The following KCNJ6 variants were observed in gnomAD, a reference collection of about 807,000 sequenced individuals.
The protein encoded by KCNJ6 is potassium inwardly rectifying channel subfamily J member 6.
A neutral mutation model predicts 34.2 loss-of-function variants in KCNJ6; 9 were observed. The ratio of observed to expected loss-of-function variants is 0.26; its 90% CI spans 0.16 to 0.46. The LOEUF (loss-of-function observed/expected upper bound fraction) is 0.46. KCNJ6 is among the 20% of genes least tolerant of loss of function. KCNJ6 has a pLI of 1.00. For missense variants in KCNJ6, 236 were observed against 531.3 expected, an observed-to-expected ratio of 0.44 and a Z score of 5.46; for synonymous variants, 196 against 207.1, an observed-to-expected ratio of 0.95 and a Z score of 0.46.
chr21:37,718,265 G>GCTAT (rs752751625), intron 2 of KCNJ6, among the ~76,000 whole-genome samples: 4 of 152,298 alleles, frequency 2.6e-5, no homozygotes, highest in Admixed American at 6.5e-5. Flanking sequence ...GTGGAGAGCT[G>GCTAT]CTATCTATCT....
intron 3 of KCNJ6, among the ~76,000 whole-genome samples, chr21:37,709,538 G>GAAAAGA (rs2054740113): frequency 6.6e-6 from 1 of 151,376 alleles, no homozygotes; most frequent in Non-Finnish European, 1.5e-5. Context: ...GAAAAGAAAA[G>GAAAAGA]AAATATCAGG....
At chr21:37,627,501 A>T (rs1384427799) in intron 3 of KCNJ6, among the ~76,000 whole-genome samples, 2 of 152,210 alleles carry the variant, frequency 1.3e-5, no homozygotes, top group East Asian at 1.9e-4. Flanking sequence ...AACAAACAGG[A>T]AGTCAAGAGG....
intron 2 of KCNJ6, among the ~76,000 whole-genome samples, chr21:37,814,139 A>T (rs1461172678): frequency 6.6e-6 from 1 of 152,258 alleles, no homozygotes; most frequent in Non-Finnish European, 1.5e-5. Flanking sequence ...CAAATGTCCA[A>T]CAGGCATATG....
At chr21:37,788,967 TAG>T (rs987305842) in intron 2 of KCNJ6, among the ~76,000 whole-genome samples, 26 of 152,346 alleles carry the variant, frequency 1.7e-4, no homozygotes, top group African/African-American at 5.1e-4. Flanking sequence ...ACCGGTATTG[TAG>T]AGTCATCATC....
At chr21:37,867,349 G>T (rs530087667) in intron 1 of KCNJ6, among the ~76,000 whole-genome samples, 13 of 152,278 alleles carry the variant, frequency 8.5e-5, no homozygotes, top group African/African-American at 3.1e-4. Flanking sequence ...GGAGAGCTGA[G>T]GGGTCACTGG....
chr21:37,763,100 T>C (rs1012832596), intron 2 of KCNJ6, among the ~76,000 whole-genome samples: 2 of 152,082 alleles, frequency 1.3e-5, no homozygotes, highest in Non-Finnish European at 2.9e-5. Context: ...GGGCATCTGA[T>C]GATGGCATGT....
At chr21:37,874,976 G>T (rs1456660644) in intron 1 of KCNJ6, among the ~76,000 whole-genome samples, 1 of 152,172 alleles carries the variant, frequency 6.6e-6, no homozygotes, top group Non-Finnish European at 1.5e-5. Flanking sequence ...CAAAACATAA[G>T]TCAGATTCTG....
At chr21:37,753,479 A>G (rs889551907) in intron 2 of KCNJ6, among the ~76,000 whole-genome samples, 1 of 152,206 alleles carries the variant, frequency 6.6e-6, no homozygotes, top group Non-Finnish European at 1.5e-5. Context: ...AACGTATCCC[A>G]GCCTTAGAAA....
At chr21:37,632,898 T>A (rs2054340199) in intron 3 of KCNJ6, among the ~76,000 whole-genome samples, 1 of 151,978 alleles carries the variant, frequency 6.6e-6, no homozygotes, top group South Asian at 2.1e-4. Context: ...TAAAGATGAG[T>A]TCAATGAAAT....
At chr21:37,841,315 T>TA (rs1460514021) in intron 1 of KCNJ6, among the ~76,000 whole-genome samples, 1 of 152,188 alleles carries the variant, frequency 6.6e-6, no homozygotes, top group Non-Finnish European at 1.5e-5. Context: ...GAATCTGTCC[T>TA]AATTAAAAAA....
chr21:37,900,499 A>C lies in KCNJ6; in HGVS notation c.-28+15385T>G, dbSNP rs113124902. On this transcript the variant is annotated intron_variant, in intron 1 of 3. Transcript: ENST00000609713. ...CTTCTATTGCAGGAGACAGAAAATA[A>C]ACAAAGCCACATGCAATTTGCGTGG... Among the ~76,000 whole-genome samples, 443 of 152,360 alleles carry C rather than the reference A, an allele frequency of 2.9e-3. 1 individual carries two copies. Among genetic ancestry groups the C allele is most frequent in the African/African-American group, 0.01 (426 of 41,586 alleles).
intron 3 of KCNJ6, among the ~76,000 whole-genome samples, chr21:37,636,447 C>T (rs191645702): frequency 1.4e-4 from 22 of 152,266 alleles, no homozygotes; most frequent in Admixed American, 3.9e-4. Flanking sequence ...TATTTCATTC[C>T]GCAGTTTCTC....
chr21:37,777,919 C>T (rs899667354), intron 2 of KCNJ6, among the ~76,000 whole-genome samples: 1 of 152,164 alleles, frequency 6.6e-6, no homozygotes, highest in Non-Finnish European at 1.5e-5. Context: ...GTTCAGCACA[C>T]CTGGAGCCCA....
At chr21:37,789,350 C>A (rs981899075) in intron 2 of KCNJ6, among the ~76,000 whole-genome samples, 1 of 152,068 alleles carries the variant, frequency 6.6e-6, no homozygotes, top group Non-Finnish European at 1.5e-5. Flanking sequence ...CTTAATCCAA[C>A]GAAATTGGTG....
At chr21:37,850,719 T>C (rs993986574) in intron 1 of KCNJ6, among the ~76,000 whole-genome samples, 2 of 152,140 alleles carry the variant, frequency 1.3e-5, no homozygotes, top group Admixed American at 6.5e-5. Flanking sequence ...GAGTTTGGTA[T>C]GGTCACTAGA....
At chr21:37,915,725 G>C (rs1325320982) in intron 1 of KCNJ6, among the ~76,000 whole-genome samples, 159 bp downstream of exon 1, 2 of 152,186 alleles carry the variant, frequency 1.3e-5, no homozygotes, top group Admixed American at 6.5e-5. Flanking sequence ...CTTCTCCCTC[G>C]CCTTTCGGCT....
chr21:37,680,562 G>T (rs1046783346), intron 3 of KCNJ6, among the ~76,000 whole-genome samples: 3 of 152,194 alleles, frequency 2.0e-5, no homozygotes, highest in African/African-American at 7.2e-5. Context: ...TCAATAGACT[G>T]AATAAAACTG....
At chr21:37,708,821 A>G (rs1470560253) in intron 3 of KCNJ6, among the ~76,000 whole-genome samples, 1 of 152,232 alleles carries the variant, frequency 6.6e-6, no homozygotes, top group Non-Finnish European at 1.5e-5. Flanking sequence ...TGTAGCAGCT[A>G]TGAAATATCA....
chr21:37,769,256 C>A (rs2055106233), intron 2 of KCNJ6, among the ~76,000 whole-genome samples: 1 of 151,930 alleles, frequency 6.6e-6, no homozygotes, highest in Non-Finnish European at 1.5e-5. Flanking sequence ...AATGTAAGGT[C>A]ACATGGAAAA....
Sources: gnomAD v4.1 joint callset for allele counts (sites outside exome capture counted in the v4.1 genomes callset) on GRCh38, gnomAD v4.1.1 for gene constraint, MANE v1.5 for transcripts, NCBI Gene and HGNC (gene_info 2026-07-23, HGNC 2026-07-21) for gene names.